The following SP2 variants were observed in gnomAD, a reference collection of about 807,000 sequenced individuals.
SP2 encodes the protein transcription factor Sp2.
In SP2, 9 loss-of-function variants were observed where a neutral mutation model predicts 50.1. The observed-to-expected ratio is 0.18, with a 90% CI of 0.11 to 0.31. The LOEUF (loss-of-function observed/expected upper bound fraction) is 0.31, where lower values mean the gene tolerates loss of function less well. SP2 is among the 10% of genes least tolerant of loss of function. The pLI, the probability that SP2 is intolerant of heterozygous loss-of-function variation, is 1.00. For synonymous variants in SP2, 313 were observed against 326.6 expected (o/e 0.96, Z 0.45); for missense variants, 581 against 806.5 (o/e 0.72, Z 3.39).
At chr17:47,907,012 G>C (rs2143837945) in intron 1 of SP2, among the ~76,000 whole-genome samples, 1 of 152,244 alleles carries the variant, frequency 6.6e-6, no homozygotes, top group South Asian at 2.1e-4. Context: ...AGAGGTGGCA[G>C]GAGAGGTGGG....
downstream of SP2, among the ~76,000 whole-genome samples, chr17:47,930,188 T>C (rs1598183939): frequency 1.3e-5 from 2 of 152,094 alleles, no homozygotes; most frequent in South Asian, 4.1e-4. Context: ...AGACATGAGG[T>C]GTATTTATTC....
rs201921974 is a variant in SP2 at position 47,901,149 on chromosome 17, C to CTT, written c.7+4869_7+4870dup. 2.4e-3 allele frequency among the ~76,000 whole-genome samples: 352 copies of CTT among 146,384 alleles called. 2 individuals carry two copies. Among genetic ancestry groups the CTT allele is most frequent in the African/African-American group, 7.3e-3 (291 of 39,934 alleles). Reference sequence around the variant, plus strand: ...ATTCAAATTCAAGTGCCTTCGTTATCTTTTTTTTTTTTTTCTTGAGACGGA... The same window carrying CTT: ...ATTCAAATTCAAGTGCCTTCGTTATCTTTTTTTTTTTTTTTTCTTGAGACGGA... On this transcript the variant is annotated intron_variant, in intron 1 of 6. Transcript: ENST00000376741.
chr17:47,896,410 C>T, intron 1 of SP2, 117 bp downstream of exon 1: 2 of 800,534 alleles, frequency 2.5e-6, no homozygotes, highest in Non-Finnish European at 3.4e-6. Context: ...CTGGGTCTGG[C>T]GTCGGGGCCC....
At position 47,916,009 on chromosome 17, in the gene SP2, C is replaced by A; in HGVS notation, c.85-147C>A. The A allele has an allele frequency of 1.1e-6, 1 of 893,866 alleles. No homozygotes were observed. Among genetic ancestry groups the A allele is most frequent in the Non-Finnish European group, 1.7e-6 (1 of 581,656 alleles). 55.4% of individuals were successfully genotyped at this position (893,866 alleles called of 1,614,324 possible). A position where few individuals can be genotyped will look rare whatever the true frequency, so the allele number is the denominator to read the frequency against. ...CCAGTAGAGAAGGGGAGACAGCAGC[C>A]AAGCAGGGGAGGGTACTGGCAACAT... On this transcript the variant is annotated intron_variant, in intron 2 of 6. Transcript: ENST00000376741. The surrounding 1 kb of genome is among the most constrained non-coding windows in gnomAD (Gnocchi z 4.7).
chr17:47,915,454 T>G, intron 2 of SP2, 66 bp downstream of exon 2: 1 of 1,024,422 alleles, frequency 9.8e-7, no homozygotes, highest in Non-Finnish European at 1.5e-6. Context: ...CCGAAAACAC[T>G]CTCTCTTCAC....
At chr17:47,897,622 G>A (rs2034392703) in intron 1 of SP2, among the ~76,000 whole-genome samples, 1 of 152,186 alleles carries the variant, frequency 6.6e-6, no homozygotes, top group Non-Finnish European at 1.5e-5. Flanking sequence ...TATTGAGTTG[G>A]TATTCTGGAT....
At chr17:47,914,253 C>A (rs2035101151) in intron 1 of SP2, among the ~76,000 whole-genome samples, 1 of 152,098 alleles carries the variant, frequency 6.6e-6, no homozygotes, top group African/African-American at 2.4e-5. Flanking sequence ...TGCCTGTAAT[C>A]CTAGCTACTC....
chr17:47,925,459 G>C lies in SP2; in HGVS notation c.1659G>C (p.Arg553=). The C allele has an allele frequency of 6.2e-7, 1 of 1,614,244 alleles. No homozygotes were observed. The highest frequency in any genetic ancestry group is 1.6e-4 in the Middle Eastern group (1 of 6,062). ...RAHVRLHTGE[R]PFVCNWFFCG... ...ATGTGCGCCTGCACACTGGCGAGCG[G>C]CCCTTTGTCTGCAACTGGTTCTTCT... Residue 553 remains arginine (R), a synonymous_variant, in exon 6 of 7, where the codon CGG becomes CGC. Transcript: ENST00000376741.
chr17:47,896,638 C>T (rs2034346346), intron 1 of SP2, among the ~76,000 whole-genome samples: 1 of 152,228 alleles, frequency 6.6e-6, no homozygotes, highest in South Asian at 2.1e-4. Context: ...GCCGCTCTCC[C>T]GCCTGGGCGA....
chr17:47,923,498 TG>T (rs1555559552), intron 4 of SP2, among the ~76,000 whole-genome samples: 4 of 152,230 alleles, frequency 2.6e-5, no homozygotes. Context: ...AGAAGATAGA[TG>T]TACTCGGAAA....
chr17:47,929,794 T>TA (rs2035783318), downstream of SP2: 1 of 152,670 alleles, frequency 6.6e-6, no homozygotes, highest in Non-Finnish European at 1.5e-5. Context: ...CTCAAGCATG[T>TA]AAAGGACAGC....
intron 1 of SP2, among the ~76,000 whole-genome samples, chr17:47,912,909 G>T (rs1208225749): frequency 6.6e-6 from 1 of 152,128 alleles, no homozygotes; most frequent in Non-Finnish European, 1.5e-5. Context: ...GCCCAGGCTG[G>T]AGTGCAGTGG....
intron 4 of SP2, among the ~76,000 whole-genome samples, chr17:47,924,324 T>TG (rs1343572721): frequency 2.8e-5 from 1 of 36,006 alleles, no homozygotes; most frequent in African/African-American, 8.1e-5. Flanking sequence ...TTTGTAGAGA[T>TG]GGGGGTCTCC....
In SP2 at chr17:47,927,759, C is replaced by A; in HGVS notation, c.1777C>A (p.Arg593Ser). The A allele has an allele frequency of 6.3e-7, 1 of 1,596,234 alleles. No individual in the cohort carries two copies. Among genetic ancestry groups the A allele is most frequent in the Non-Finnish European group, 8.5e-7 (1 of 1,171,106 alleles). Residue 593 changes from arginine (R) to serine (S), a missense_variant, in exon 7 of 7, where the codon CGC becomes AGC. By Grantham distance (110) the Arg-to-Ser change is moderately radical. This residue lies in a region of SP2 where 184 missense variants were observed against 315.5 expected (regional missense o/e 0.58). Coordinates refer to ENST00000376741, the MANE Select transcript of SP2 (RefSeq NM_003110.6). ...CTTCGAGTGCGCCCAGTGTCAGAAG[C>A]GCTTCATGAGGAGTGACCACCTCAC... is the stretch of plus-strand genomic sequence containing the variant. ...KRFECAQCQK[R>S]FMRSDHLTKH...
chr17:47,909,679 G>A (rs1165064267), intron 1 of SP2: 1 of 983,196 alleles, frequency 1.0e-6, no homozygotes, highest in Non-Finnish European at 1.2e-6. Context: ...ACTAGGAGGA[G>A]GCTAAGAGGG....
Position 47,916,638 on chromosome 17 carries a change from G to T in SP2, c.567G>T (p.Thr189=). The T allele has an allele frequency of 6.2e-7, 1 of 1,613,972 alleles. No homozygotes were observed. Among genetic ancestry groups the T allele is most frequent in the South Asian group, 1.1e-5 (1 of 91,064 alleles). The part of the protein sequence containing the change: ...IKPAPIQKSS[T]TTTPVQSGAN... The stretch of plus-strand genomic sequence containing the variant: ...CAGCCCCCATCCAGAAGTCGAGTAC[G>T]ACCACCACCCCCGTGCAGAGCGGGG... The change falls in exon 3 of 7, where the codon ACG becomes ACT. Residue 189 remains threonine, a synonymous_variant. Transcript: ENST00000376741. The surrounding 1 kb of genome is among the most constrained non-coding windows in gnomAD (Gnocchi z 4.7).
chr17:47,896,376 G>A, intron 1 of SP2, 83 bp downstream of exon 1: 1 of 1,144,128 alleles, frequency 8.7e-7, no homozygotes, highest in Non-Finnish European at 1.1e-6. Context: ...AGAGGGAGCC[G>A]AGGCCGGGGG....
At chr17:47,900,799 A>G (rs765953781) in intron 1 of SP2, among the ~76,000 whole-genome samples, 2 of 152,188 alleles carry the variant, frequency 1.3e-5, no homozygotes, top group Non-Finnish European at 2.9e-5. Flanking sequence ...AACACTGATC[A>G]TGGCCCAGGA....
intron 1 of SP2, among the ~76,000 whole-genome samples, chr17:47,901,518 G>A (rs2143778419): frequency 6.6e-6 from 1 of 152,314 alleles, no homozygotes; most frequent in Non-Finnish European, 1.5e-5. Flanking sequence ...GAGTGCAGTG[G>A]TGCTATCCCG....
Sources: gnomAD v4.1 joint callset for allele counts (sites outside exome capture counted in the v4.1 genomes callset) on GRCh38, gnomAD v4.1.1 for gene constraint, gnomAD v4.1.1 regional missense constraint, Gnocchi (gnomAD v3.1) non-coding constraint, MANE v1.5 for transcripts, NCBI Gene and HGNC (gene_info 2026-07-23, HGNC 2026-07-21) for gene names.